The following ZKSCAN1 variants were observed in gnomAD, a reference collection of about 807,000 sequenced individuals.
ZKSCAN1 encodes zinc finger with KRAB and SCAN domains 1.
In ZKSCAN1, 14 loss-of-function variants were observed where a neutral mutation model predicts 51.6. That is an observed-to-expected ratio of 0.27 (90% CI 0.18 to 0.42). The LOEUF (loss-of-function observed/expected upper bound fraction) is 0.42. Among genes scored for constraint, ZKSCAN1 ranks in the 10% least tolerant of loss-of-function variants. The pLI is 1.00. For synonymous variants in ZKSCAN1, 263 were observed against 261.5 expected (o/e 1.01, Z -0.06); for missense variants, 531 against 710.0 (o/e 0.75, Z 2.86).
chr7:100,042,187 C>T (rs954435791), downstream of ZKSCAN1, among the ~76,000 whole-genome samples: 7 of 151,882 alleles, frequency 4.6e-5, no homozygotes, highest in East Asian at 5.8e-4. Flanking sequence ...GGCGTGGTGG[C>T]GGGCGCCTGT....
Position 100,039,358 on chromosome 7 carries a change from A to C in ZKSCAN1, c.*5161A>C. 1.0e-6 allele frequency: 1 copy of C among 985,396 alleles called. No individual in the cohort carries two copies. Among genetic ancestry groups the C allele is most frequent in the South Asian group, 4.7e-5 (1 of 21,284 alleles). 61.0% of individuals were successfully genotyped at this position (985,396 alleles called of 1,614,324 possible). On this transcript the variant is annotated 3_prime_UTR_variant, in exon 6 of 6. Coordinates refer to ENST00000324306, the MANE Select transcript of ZKSCAN1 (RefSeq NM_003439.4). ...AAAGAAAGAAAATTGGGGATAGGAGAACAGCAAGGTGGGCATTTCCCGGAA... is the reference window on the plus strand; with the variant it reads ...AAAGAAAGAAAATTGGGGATAGGAGCACAGCAAGGTGGGCATTTCCCGGAA...
At chr7:100,022,004 A>AGGAGGGCTGG (rs1473670760) in intron 1 of ZKSCAN1, among the ~76,000 whole-genome samples, 6 of 152,112 alleles carry the variant, frequency 3.9e-5, no homozygotes, top group African/African-American at 1.4e-4. Flanking sequence ...CATCCTCCCA[A>AGGAGGGCTGG]AGGGCTGGAA....
rs750558305 is a variant in ZKSCAN1 at position 100,033,948 on chromosome 7, A to G, written c.1443A>G (p.Arg481=). The G allele has an allele frequency of 2.5e-6, 4 of 1,614,230 alleles. No individual in the cohort carries two copies. The highest frequency in any genetic ancestry group is 3.4e-6 in the Non-Finnish European group (4 of 1,180,046). Residue 481 remains arginine, a synonymous_variant, in exon 6 of 6, where the codon AGA becomes AGG. Transcript: ENST00000324306. This position sits in a 1 kb window ranked among gnomAD's most constrained non-coding sequence, Gnocchi z 4.1. ...GCTCGGACCTCACCAAGCATCAGAG[A>G]ATTCACACGGGGGAGAAACCCTATG... ...SQSSDLTKHQ[R]IHTGEKPYEC... is the part of the protein sequence containing the mutation.
In ZKSCAN1 at chr7:100,041,070, G is replaced by A. The variant is rs1562836547; in HGVS notation, c.*6873G>A. 2 of 963,470 alleles carry A rather than the reference G, an allele frequency of 2.1e-6. No homozygotes were observed. Among genetic ancestry groups the A allele is most frequent in the African/African-American group, 1.8e-5 (1 of 56,768 alleles). The allele number at this position is 963,470 out of a possible 1,614,324, so 59.7% of individuals were successfully genotyped here. ...TTTAGTTAAATACAGATTTTACAAC[G>A]AGGTCAGCATAAGCCTAAATCTATA... On this transcript the variant is annotated 3_prime_UTR_variant, in exon 6 of 6. Coordinates refer to ENST00000324306, the MANE Select transcript of ZKSCAN1 (RefSeq NM_003439.4).
rs1791253169 is a variant in ZKSCAN1 at position 100,034,300 on chromosome 7, AAAAC to A, written c.*107_*110del. On this transcript the variant is annotated 3_prime_UTR_variant, in exon 6 of 6. Transcript: ENST00000324306. ...AAGAAATACAGCCTCAACAGATTAA[AAAAC>A]AAAAGTCACACTTAAGGATCCTTCT... 3 of 1,484,028 alleles carry A rather than the reference AAAAC, an allele frequency of 2.0e-6. No homozygotes were observed. Among genetic ancestry groups the A allele is most frequent in the African/African-American group, 2.8e-5 (2 of 71,416 alleles). The allele number at this position is 1,484,028 out of a possible 1,614,324, so 91.9% of individuals were successfully genotyped here. A position where few individuals can be genotyped will look rare whatever the true frequency, so the allele number is the denominator to read the frequency against.
rs368265568 is a variant in ZKSCAN1 at position 100,035,400 on chromosome 7, T to G, written c.*1203T>G. 2.0e-5 allele frequency: 3 copies of G among 152,154 alleles called. No individual in the cohort carries two copies. Among genetic ancestry groups the G allele is most frequent in the Admixed American group, 6.5e-5 (1 of 15,276 alleles). 9.4% of individuals were successfully genotyped at this position (152,154 alleles called of 1,614,324 possible). On this transcript the variant is annotated 3_prime_UTR_variant, in exon 6 of 6. Coordinates refer to ENST00000324306, the MANE Select transcript of ZKSCAN1 (RefSeq NM_003439.4). ...ATCATCGTCATCTTGAAGAAAAATA[T>G]GAACACTGATGAAGGTCATTTTTTT...
In ZKSCAN1 at chr7:100,036,190, A is replaced by G; in HGVS notation, c.*1993A>G. 17 of 985,358 alleles carry G rather than the reference A, an allele frequency of 1.7e-5. No individual in the cohort carries two copies. Among genetic ancestry groups the G allele is most frequent in the Non-Finnish European group, 1.9e-5 (16 of 829,906 alleles). The allele number at this position is 985,358 out of a possible 1,614,324, so 61.0% of individuals were successfully genotyped here. A position where few individuals can be genotyped will look rare whatever the true frequency, so the allele number is the denominator to read the frequency against. On this transcript the variant is annotated 3_prime_UTR_variant, in exon 6 of 6. Coordinates refer to ENST00000324306, the MANE Select transcript of ZKSCAN1 (RefSeq NM_003439.4). ...GACTTAAACCAACTACAACTTCCCT[A>G]TAGCTTCTAAGCAGTTTCATCAGCA...
chr7:100,029,005 A>C (rs1790975062), intron 3 of ZKSCAN1, among the ~76,000 whole-genome samples: 1 of 151,946 alleles, frequency 6.6e-6, no homozygotes, highest in South Asian at 2.1e-4. Context: ...CCTCTACTAA[A>C]AATACAAAAT....
At position 100,040,938 on chromosome 7, in the gene ZKSCAN1, T is replaced by A. The variant is rs1211002695; in HGVS notation, c.*6741T>A. ...GGTGGGAGGAGACAGGTTGTGGTTA[T>A]GCAGGAAAATCTTGTCCTAAAAATA... On this transcript the variant is annotated 3_prime_UTR_variant, in exon 6 of 6. Coordinates refer to ENST00000324306, the MANE Select transcript of ZKSCAN1 (RefSeq NM_003439.4). The A allele has an allele frequency of 1.0e-6, 1 of 985,260 alleles. No individual in the cohort carries two copies. Among genetic ancestry groups the A allele is most frequent in the South Asian group, 4.7e-5 (1 of 21,298 alleles). The allele number at this position is 985,260 out of a possible 1,614,324, so 61.0% of individuals were successfully genotyped here.
intron 5 of ZKSCAN1, among the ~76,000 whole-genome samples, chr7:100,032,670 G>C (rs1375054689): frequency 6.6e-6 from 1 of 152,146 alleles, no homozygotes; most frequent in Non-Finnish European, 1.5e-5. Context: ...AGAGCAGTCT[G>C]GCCAACATGG....
intron 1 of ZKSCAN1, among the ~76,000 whole-genome samples, chr7:100,018,686 G>A (rs1424567117): frequency 2.0e-5 from 3 of 152,060 alleles, no homozygotes; most frequent in South Asian, 4.1e-4. Flanking sequence ...TGCGCCCGGC[G>A]CATCATGAGA....
downstream of ZKSCAN1, among the ~76,000 whole-genome samples, chr7:100,041,917 A>C (rs1390018035): frequency 6.6e-6 from 1 of 152,170 alleles, no homozygotes; most frequent in Admixed American, 6.6e-5. Context: ...GGGCATTCCA[A>C]AGTTAACCTG....
In ZKSCAN1 at chr7:100,038,025, A is replaced by C. The variant is rs1479378448; in HGVS notation, c.*3828A>C. 1 of 985,228 alleles carries C rather than the reference A, an allele frequency of 1.0e-6. No homozygotes were observed. The highest frequency in any genetic ancestry group is 1.2e-6 in the Non-Finnish European group (1 of 829,918). The allele number at this position is 985,228 out of a possible 1,614,324, so 61.0% of individuals were successfully genotyped here. On this transcript the variant is annotated 3_prime_UTR_variant, in exon 6 of 6. Transcript: ENST00000324306. Reference sequence around the variant, plus strand: ...TGACAGAGCGAGGCTCTGTATCAAAAAAAAAAGTTGCGGGGGGGTGCTCAA... The same window carrying C: ...TGACAGAGCGAGGCTCTGTATCAAACAAAAAAGTTGCGGGGGGGTGCTCAA...
chr7:100,034,560 C>T lies in ZKSCAN1; in HGVS notation c.*363C>T, dbSNP rs190556122. 20 of 1,009,554 alleles carry T rather than the reference C, an allele frequency of 2.0e-5. No individual in the cohort carries two copies. Among genetic ancestry groups the T allele is most frequent in the Admixed American group, 5.6e-5 (1 of 17,980 alleles). 62.5% of individuals were successfully genotyped at this position (1,009,554 alleles called of 1,614,324 possible). On this transcript the variant is annotated 3_prime_UTR_variant, in exon 6 of 6. Coordinates refer to ENST00000324306, the MANE Select transcript of ZKSCAN1 (RefSeq NM_003439.4). ...AGTTGAAAGATCAAGATTGGCTCCACGAAAGTGATACGGAGGTTAGGATGC... is the reference window on the plus strand; with the variant it reads ...AGTTGAAAGATCAAGATTGGCTCCATGAAAGTGATACGGAGGTTAGGATGC...
At chr7:100,019,565 A>C (rs1434165439) in intron 1 of ZKSCAN1, among the ~76,000 whole-genome samples, 2 of 152,048 alleles carry the variant, frequency 1.3e-5, no homozygotes, top group Non-Finnish European at 2.9e-5. Flanking sequence ...TATACCCCAC[A>C]TGTCAGGTAC....
intron 3 of ZKSCAN1, among the ~76,000 whole-genome samples, chr7:100,029,025 G>A (rs766263800): frequency 1.1e-4 from 16 of 151,942 alleles, no homozygotes; most frequent in African/African-American, 3.1e-4. Context: ...TTAGCTGGGC[G>A]TGGTGGCTCA....
At chr7:100,044,647 C>T (rs1791679100), downstream of ZKSCAN1, 1 of 447,126 alleles carries the variant, frequency 2.2e-6, no homozygotes, top group South Asian at 9.4e-5. Flanking sequence ...TGCCACTGCA[C>T]TCCAGCCTGG....
At position 100,030,457 on chromosome 7, in the gene ZKSCAN1, T is replaced by C. The variant is rs185633193; in HGVS notation, c.799+82T>C. The C allele has an allele frequency of 3.1e-4, 462 of 1,506,126 alleles. 1 individual carries two copies. Among genetic ancestry groups the C allele is most frequent in the Non-Finnish European group, 3.9e-4 (432 of 1,114,668 alleles). 93.3% of individuals were successfully genotyped at this position (1,506,126 alleles called of 1,614,324 possible). On this transcript the variant is annotated intron_variant, in intron 5 of 5. Coordinates refer to ENST00000324306, the MANE Select transcript of ZKSCAN1 (RefSeq NM_003439.4). ...GCTGTGGGATCTCTGATGTGTTCAA[T>C]TGAGTGTTGAGGAGTTAGAGACTAC... is the stretch of plus-strand genomic sequence containing the variant.
Position 100,038,675 on chromosome 7 carries a change from C to G in ZKSCAN1, c.*4478C>G. ...TTTAAACCGTAGTCATGCTTTCCCA[C>G]TAACTCTTAAATCCTTATGCTTAGA... On this transcript the variant is annotated 3_prime_UTR_variant, in exon 6 of 6. Coordinates refer to ENST00000324306, the MANE Select transcript of ZKSCAN1 (RefSeq NM_003439.4). The G allele has an allele frequency of 1.0e-6, 1 of 985,428 alleles. No individual in the cohort carries two copies. The highest frequency in any genetic ancestry group is 4.7e-5 in the South Asian group (1 of 21,276). The allele number at this position is 985,428 out of a possible 1,614,324, so 61.0% of individuals were successfully genotyped here.
Sources: gnomAD v4.1 joint callset for allele counts (sites outside exome capture counted in the v4.1 genomes callset) on GRCh38, gnomAD v4.1.1 for gene constraint, Gnocchi (gnomAD v3.1) non-coding constraint, MANE v1.5 for transcripts, NCBI Gene and HGNC (gene_info 2026-07-23, HGNC 2026-07-21) for gene names.